COA5: variants seen among roughly 807,000 people sequenced by gnomAD.
COA5 encodes cytochrome c oxidase assembly factor 5.
In COA5, 11 loss-of-function variants were observed where a neutral mutation model predicts 11.8. The observed-to-expected ratio is 0.93, with a 90% CI of 0.59 to 1.54. The LOEUF is 1.54. COA5 is among the 40% of genes most tolerant of loss of function. The pLI is 0.00. For missense variants in COA5, 87 were observed against 89.2 expected, an observed-to-expected ratio of 0.97 and a Z score of 0.10; for synonymous variants, 38 against 37.5, an observed-to-expected ratio of 1.01 and a Z score of -0.05.
In COA5 at chr2:98,600,283, G is replaced by T. The variant is rs752366202; in HGVS notation, c.*469C>A. 1.1e-4 allele frequency: 20 copies of T among 183,062 alleles called. No individual in the cohort carries two copies. The highest frequency in any genetic ancestry group is 1.7e-4 in the African/African-American group (7 of 42,058). 11.3% of individuals were successfully genotyped at this position (183,062 alleles called of 1,614,324 possible). A position where few individuals can be genotyped will look rare whatever the true frequency, so the allele number is the denominator to read the frequency against. The stretch of plus-strand genomic sequence containing the variant: ...ACAAATGAAGTATTTCTTCTCTAAG[G>T]AATCAAACACAATTCATTTTAGAAC... On this transcript the variant is annotated 3_prime_UTR_variant, in exon 3 of 3. Transcript: ENST00000328709.
At chr2:98,608,197 G>T (rs1043889528) in intron 1 of COA5, 110 bp downstream of exon 1, 1 of 775,128 alleles carries the variant, frequency 1.3e-6, no homozygotes, top group Non-Finnish European at 2.2e-6. Flanking sequence ...TGTGACCTAC[G>T]CCCGGGATGG....
chr2:98,608,337 C>T lies in COA5; in HGVS notation c.69G>A (p.Ala23=), dbSNP rs988163748. 1.2e-6 allele frequency: 2 copies of T among 1,608,760 alleles called. No homozygotes were observed. Among genetic ancestry groups the T allele is most frequent in the African/African-American group, 1.3e-5 (1 of 74,894 alleles). The change falls in exon 1 of 3, where the codon GCG becomes GCA. Residue 23 remains alanine (A), a synonymous_variant. Transcript: ENST00000328709. ...ACAGLKEDLG[A]CLLQSDCVVQ... ...CCACACAGTCCGACTGCAGCAGACA[C>T]GCGCCCAGGTCCTCCTTCAGGCCCG...
intron 1 of COA5, 36 bp downstream of exon 1, chr2:98,608,271 G>A (rs1362928902): frequency 5.3e-6 from 8 of 1,497,268 alleles, no homozygotes; most frequent in Non-Finnish European, 7.3e-6. Context: ...GCCTGGGACA[G>A]GGGTCGTCAC....
At chr2:98,607,229 C>T (rs776980581) in intron 1 of COA5, among the ~76,000 whole-genome samples, 7 of 152,186 alleles carry the variant, frequency 4.6e-5, no homozygotes, top group Non-Finnish European at 1.0e-4. Context: ...GTGTCAGGTA[C>T]CATGCCTGCC....
At position 98,600,797 on chromosome 2, in the gene COA5, AAAAT is replaced by A. The variant is rs1267421996; in HGVS notation, c.184-8_184-5del. 2 of 1,578,420 alleles carry A rather than the reference AAAAT, an allele frequency of 1.3e-6. No homozygotes were observed. Among genetic ancestry groups the A allele is most frequent in the African/African-American group, 1.3e-5 (1 of 74,124 alleles). ...TGAATCTTGCCCTGTTATCCAACTG[AAAAT>A]AAATATACAATTAAATCAAATTTGG... On this transcript the variant is annotated splice_region_variant and splice_polypyrimidine_tract_variant and intron_variant, in intron 2 of 2. Transcript: ENST00000328709.
At position 98,608,326 on chromosome 2, in the gene COA5, T is replaced by C; in HGVS notation, c.80A>G (p.Gln27Arg). 6.2e-7 allele frequency: 1 copy of C among 1,607,192 alleles called. No homozygotes were observed. Among genetic ancestry groups the C allele is most frequent in the South Asian group, 1.1e-5 (1 of 90,138 alleles). ...LKEDLGACLLQSDCVVQEGKS... is the reference protein window; with the variant it reads ...LKEDLGACLLRSDCVVQEGKS... ...CGCTACCTGGACCACACAGTCCGACTGCAGCAGACACGCGCCCAGGTCCTC... is the reference window on the plus strand; with the variant it reads ...CGCTACCTGGACCACACAGTCCGACCGCAGCAGACACGCGCCCAGGTCCTC... Residue 27 changes from glutamine (Q) to arginine (R), a missense_variant, in exon 1 of 3, where the codon CAG (glutamine) becomes CGG (arginine). Physicochemically the swap from Gln to Arg is conservative, Grantham distance 43 (BLOSUM62 1). Transcript: ENST00000328709.
intron 1 of COA5, among the ~76,000 whole-genome samples, chr2:98,606,887 C>T (rs757004862): frequency 1.3e-5 from 2 of 152,204 alleles, no homozygotes; most frequent in African/African-American, 2.4e-5. Flanking sequence ...AGCTCCTCTG[C>T]GCCCTCCCAC....
chr2:98,605,106 A>C (rs1332353057), intron 1 of COA5, among the ~76,000 whole-genome samples: 9 of 152,204 alleles, frequency 5.9e-5, no homozygotes, highest in African/African-American at 2.2e-4. Context: ...GCCTGGGGTA[A>C]AGATCCATCT....
At chr2:98,607,682 C>T (rs142691132) in intron 1 of COA5, among the ~76,000 whole-genome samples, 110 of 152,330 alleles carry the variant, frequency 7.2e-4, no homozygotes, top group African/African-American at 2.6e-3. Flanking sequence ...GTGAACCTCA[C>T]TACATGTTTC....
In COA5 at chr2:98,607,767, G is replaced by A. The variant is rs1382722630; in HGVS notation, c.99+540C>T. ...TGAAGGAAGAGTGTAGGGGAAGCAA[G>A]ATACGAAATCGTGAAAATATGGAGT... is the stretch of plus-strand genomic sequence containing the variant. On this transcript the variant is annotated intron_variant, in intron 1 of 2. Coordinates refer to ENST00000328709, the MANE Select transcript of COA5 (RefSeq NM_001008215.3). Among the ~76,000 whole-genome samples the A allele has an allele frequency of 2.0e-5, 3 of 152,160 alleles. 1 individual carries two copies. In the South Asian group the frequency reaches 6.2e-4, roughly 31 times the overall value.
intron 1 of COA5, among the ~76,000 whole-genome samples, chr2:98,607,212 A>G (rs1005754493): frequency 6.6e-6 from 1 of 152,144 alleles, no homozygotes; most frequent in Non-Finnish European, 1.5e-5. Context: ...CATCTTCGTT[A>G]TCACCAGTGT....
intron 1 of COA5, among the ~76,000 whole-genome samples, chr2:98,606,778 A>G (rs537923015): frequency 6.6e-6 from 1 of 152,104 alleles, no homozygotes; most frequent in African/African-American, 2.4e-5. Flanking sequence ...ACGTCTGGAT[A>G]AAATCCAGTC....
chr2:98,600,325 G>T lies in COA5; in HGVS notation c.*427C>A, dbSNP rs1270244725. On this transcript the variant is annotated 3_prime_UTR_variant, in exon 3 of 3. Transcript: ENST00000328709. ...TTTTAGAACTAGACAGGAAAAGACTGAACTAAAGAAAAAGTTTTATCCTAA... is the reference window on the plus strand; with the variant it reads ...TTTTAGAACTAGACAGGAAAAGACTTAACTAAAGAAAAAGTTTTATCCTAA... 4 of 205,834 alleles carry T rather than the reference G, an allele frequency of 1.9e-5. No individual in the cohort carries two copies. Among genetic ancestry groups the T allele is most frequent in the Admixed American group, 5.3e-5 (1 of 18,982 alleles). The allele number at this position is 205,834 out of a possible 1,614,324, so 12.8% of individuals were successfully genotyped here. A position where few individuals can be genotyped will look rare whatever the true frequency, so the allele number is the denominator to read the frequency against.
intron 1 of COA5, chr2:98,604,700 G>GC (rs1226475125): frequency 7.4e-5 from 12 of 161,794 alleles, no homozygotes; most frequent in African/African-American, 2.7e-4. Context: ...CTCTACAGCC[G>GC]CATCACTGCA....
chr2:98,608,268 A>T (rs1006037313), intron 1 of COA5, 39 bp downstream of exon 1: 43 of 1,473,914 alleles, frequency 2.9e-5, no homozygotes, highest in Middle Eastern at 2.1e-4. Flanking sequence ...CCTGCCTGGG[A>T]CAGGGGTCGT....
rs545544002 is a variant in COA5 at position 98,604,063 on chromosome 2, T to C, written c.183+45A>G. The C allele has an allele frequency of 9.8e-6, 14 of 1,435,080 alleles. No homozygotes were observed. The East Asian group carries it at 1.8e-4, about 19-fold the overall frequency. The allele number at this position is 1,435,080 out of a possible 1,614,324, so 88.9% of individuals were successfully genotyped here. On this transcript the variant is annotated intron_variant, in intron 2 of 2. Transcript: ENST00000328709. ...GTCATTCATATATTTAACCTCCCTA[T>C]AGCTAATTTTTAGCATAGGCTTTTA...
At chr2:98,603,245 G>A (rs1053384610) in intron 2 of COA5, among the ~76,000 whole-genome samples, 2 of 152,142 alleles carry the variant, frequency 1.3e-5, no homozygotes, top group Admixed American at 6.5e-5. Flanking sequence ...TTGGGAAGCC[G>A]AGGCAGGCAG....
chr2:98,603,236 T>C (rs1700667338), intron 2 of COA5, among the ~76,000 whole-genome samples: 1 of 152,134 alleles, frequency 6.6e-6, no homozygotes, highest in Admixed American at 6.5e-5. Context: ...CCCAGCACTT[T>C]GGGAAGCCGA....
chr2:98,603,001 T>G (rs1700662715), intron 2 of COA5, among the ~76,000 whole-genome samples: 1 of 152,150 alleles, frequency 6.6e-6, no homozygotes, highest in Admixed American at 6.5e-5. Context: ...AGATGTCACT[T>G]AAGAAAGTAA....
Sources: gnomAD v4.1 joint callset for allele counts (sites outside exome capture counted in the v4.1 genomes callset) on GRCh38, gnomAD v4.1.1 for gene constraint, MANE v1.5 for transcripts, NCBI Gene and HGNC (gene_info 2026-07-23, HGNC 2026-07-21) for gene names.